OR2M3: variants seen among roughly 807,000 people sequenced by gnomAD.
OR2M3 encodes the protein olfactory receptor family 2 subfamily M member 3.
A neutral mutation model predicts 4.3 loss-of-function variants in OR2M3; 1 was observed. The ratio of observed to expected loss-of-function variants is 0.23; its 90% confidence interval spans 0.08 to 1.11. The LOEUF (loss-of-function observed/expected upper bound fraction) is 1.11. Among genes scored for constraint, OR2M3 ranks in the 50% most tolerant of loss-of-function variants. OR2M3 has a pLI of 0.54. For missense variants in OR2M3, 410 were observed against 390.4 expected, an observed-to-expected ratio of 1.05 and a Z score of -0.42; for synonymous variants, 151 against 139.4, an observed-to-expected ratio of 1.08 and a Z score of -0.59.
At chr1:248,198,317 G>A (rs1379869270) in intron 1 of OR2M3, among the ~76,000 whole-genome samples, 3 of 152,044 alleles carry the variant, frequency 2.0e-5, no homozygotes, top group Non-Finnish European at 4.4e-5. Flanking sequence ...ATTCATGAGG[G>A]CATTCCTTGT....
In OR2M3 at chr1:248,204,179, T is replaced by C. The variant is rs1666199088; in HGVS notation, c.*173T>C. 1 of 519,554 alleles carries C rather than the reference T, an allele frequency of 1.9e-6. No homozygotes were observed. Among genetic ancestry groups the C allele is most frequent in the Non-Finnish European group, 3.3e-6 (1 of 305,744 alleles). The allele number at this position is 519,554 out of a possible 1,614,324, so 32.2% of individuals were successfully genotyped here. A position where few individuals can be genotyped will look rare whatever the true frequency, so the allele number is the denominator to read the frequency against. On this transcript the variant is annotated 3_prime_UTR_variant, in exon 2 of 2. Transcript: ENST00000641626. The stretch of plus-strand genomic sequence containing the variant: ...AAACTATTATAACTATTTATTATTT[T>C]ATATTCATTTCTGCTATGACCACAA...
At position 248,211,030 on chromosome 1, in the gene OR2M3, T is replaced by C. The variant is rs1572795747; in HGVS notation, c.*7024T>C. 1 of 152,232 alleles carries C rather than the reference T, an allele frequency of 6.6e-6. No individual in the cohort carries two copies. Among genetic ancestry groups the C allele is most frequent in the Non-Finnish European group, 1.5e-5 (1 of 68,048 alleles). 9.4% of individuals were successfully genotyped at this position (152,232 alleles called of 1,614,324 possible). On this transcript the variant is annotated 3_prime_UTR_variant, in exon 2 of 2. Coordinates refer to ENST00000641626, the MANE Select transcript of OR2M3 (RefSeq NM_001004689.2). Reference sequence around the variant, plus strand: ...AAAGTTTTCTGTTTATTCAGTATCATAAATGTTGAAGTATGCACCAAGGTA... The same window carrying C: ...AAAGTTTTCTGTTTATTCAGTATCACAAATGTTGAAGTATGCACCAAGGTA...
At position 248,203,275 on chromosome 1, in the gene OR2M3, G is replaced by A; in HGVS notation, c.208G>A (p.Asp70Asn). ...YLLLSQLSLM[D>N]LMLICTTVPK... ...CCTCCTCAGCCAACTGTCCCTCATG[G>A]ACCTCATGCTCATCTGCACCACCGT... Residue 70 changes from aspartate to asparagine, a missense_variant, in exon 2 of 2, where the codon GAC (aspartate) becomes AAC (asparagine). Physicochemically the swap from Asp to Asn is conservative, Grantham distance 23. Transcript: ENST00000641626. 6.2e-7 allele frequency: 1 copy of A among 1,613,938 alleles called. No individual in the cohort carries two copies. The highest frequency in any genetic ancestry group is 1.3e-5 in the African/African-American group (1 of 74,944).
At chr1:248,201,216 A>AT (rs1209484787) in intron 1 of OR2M3, among the ~76,000 whole-genome samples, 3 of 151,862 alleles carry the variant, frequency 2.0e-5, no homozygotes, top group Non-Finnish European at 4.4e-5. Flanking sequence ...ACACATTTCT[A>AT]TTTTTTTCTG....
Position 248,203,899 on chromosome 1 carries a change from T to A in OR2M3, c.832T>A (p.Tyr278Asn). Residue 278 changes from tyrosine to asparagine, a missense_variant, in exon 2 of 2, where the codon TAC (tyrosine) becomes AAC (asparagine). Tyr to Asn is a moderately radical substitution (Grantham distance 143). Coordinates refer to ENST00000641626, the MANE Select transcript of OR2M3 (RefSeq NM_001004689.2). ...ACAGGACAAGATGGTGTCTGTATTC[T>A]ACACCATCCTCACTCCCATGTTGAA... is the stretch of plus-strand genomic sequence containing the variant. ...PTQDKMVSVF[Y>N]TILTPMLNPL... 1.2e-6 allele frequency: 2 copies of A among 1,613,930 alleles called. No homozygotes were observed. Among genetic ancestry groups the A allele is most frequent in the Non-Finnish European group, 1.7e-6 (2 of 1,179,910 alleles).
chr1:248,202,652 C>T (rs1666170865), intron 1 of OR2M3, among the ~76,000 whole-genome samples: 1 of 152,010 alleles, frequency 6.6e-6, no homozygotes, highest in Admixed American at 6.6e-5. Context: ...CACATTTATT[C>T]TCCATTTCTA....
rs1666261756 is a variant in OR2M3, at chr1:248,209,891, G to A, written c.*5885G>A. The A allele has an allele frequency of 6.6e-6, 1 of 152,196 alleles. No homozygotes were observed. The highest frequency in any genetic ancestry group is 2.4e-5 in the African/African-American group (1 of 41,406). The allele number at this position is 152,196 out of a possible 1,614,324, so 9.4% of individuals were successfully genotyped here. A position where few individuals can be genotyped will look rare whatever the true frequency, so the allele number is the denominator to read the frequency against. On this transcript the variant is annotated 3_prime_UTR_variant, in exon 2 of 2. Coordinates refer to ENST00000641626, the MANE Select transcript of OR2M3 (RefSeq NM_001004689.2). The stretch of plus-strand genomic sequence containing the variant: ...CTCAGGTGATGGGTGAGGCCATAGA[G>A]GTAACAAGAGATTATGACGTTTGTC...
At chr1:248,199,929 C>T (rs1666137411) in intron 1 of OR2M3, among the ~76,000 whole-genome samples, 1 of 152,084 alleles carries the variant, frequency 6.6e-6, no homozygotes, top group Non-Finnish European at 1.5e-5. Context: ...TGTAGATTTA[C>T]ACTTGTTATT....
intron 1 of OR2M3, among the ~76,000 whole-genome samples, chr1:248,202,260 G>A (rs1398714565): frequency 7.3e-6 from 1 of 136,346 alleles, no homozygotes; most frequent in Non-Finnish European, 1.6e-5. Context: ...TCTAATCCCT[G>A]CCTCCCCCAT....
In OR2M3 at chr1:248,204,455, G is replaced by T. The variant is rs1383542068; in HGVS notation, c.*449G>T. ...CATTCTTATGACTTTTTGTCTCATA[G>T]TTTAGTTTCAACATATGAATGTGAA... On this transcript the variant is annotated 3_prime_UTR_variant, in exon 2 of 2. Transcript: ENST00000641626. The T allele has an allele frequency of 6.5e-6, 1 of 154,048 alleles. No homozygotes were observed. Among genetic ancestry groups the T allele is most frequent in the Non-Finnish European group, 1.4e-5 (1 of 69,538 alleles). 9.5% of individuals were successfully genotyped at this position (154,048 alleles called of 1,614,324 possible). A position where few individuals can be genotyped will look rare whatever the true frequency, so the allele number is the denominator to read the frequency against.
At chr1:248,199,059 T>C (rs998588046) in intron 1 of OR2M3, among the ~76,000 whole-genome samples, 2 of 152,156 alleles carry the variant, frequency 1.3e-5, no homozygotes, top group African/African-American at 4.8e-5. Context: ...GTGATAAGAT[T>C]CATACATAAA....
At position 248,207,200 on chromosome 1, in the gene OR2M3, C is replaced by T. The variant is rs1269342195; in HGVS notation, c.*3194C>T. ...TGTGTTTATTTGCATCTTCTCTATT[C>T]TTTTTTGGTTAATCTTGCTAATGGT... On this transcript the variant is annotated 3_prime_UTR_variant, in exon 2 of 2. Coordinates refer to ENST00000641626, the MANE Select transcript of OR2M3 (RefSeq NM_001004689.2). 1 of 151,916 alleles carries T rather than the reference C, an allele frequency of 6.6e-6. No individual in the cohort carries two copies. Among genetic ancestry groups the T allele is most frequent in the South Asian group, 2.1e-4 (1 of 4,824 alleles). 9.4% of individuals were successfully genotyped at this position (151,916 alleles called of 1,614,324 possible).
In OR2M3 at chr1:248,204,036, G is replaced by A. The variant is rs371890040; in HGVS notation, c.*30G>A. ...CCTAATAAACTTCATGTTTTGCTGT[G>A]TGCTAAATCCTTTTTTTAAATGGTC... On this transcript the variant is annotated 3_prime_UTR_variant, in exon 2 of 2. Transcript: ENST00000641626. The A allele has an allele frequency of 6.2e-7, 1 of 1,608,724 alleles. No homozygotes were observed. The highest frequency in any genetic ancestry group is 8.5e-7 in the Non-Finnish European group (1 of 1,176,142).
chr1:248,203,587 A>G lies in OR2M3; in HGVS notation c.520A>G (p.Ile174Val), dbSNP rs1446188218. 3 of 1,613,744 alleles carry G rather than the reference A, an allele frequency of 1.9e-6. No homozygotes were observed. The highest frequency in any genetic ancestry group is 2.5e-6 in the Non-Finnish European group (3 of 1,179,818). ...FSFSYCGSRE[I>V]AHFFCDFPSL... ...CTTCTCCTACTGTGGGTCTCGGGAAATAGCCCACTTCTTCTGTGACTTCCC... is the reference window on the plus strand; with the variant it reads ...CTTCTCCTACTGTGGGTCTCGGGAAGTAGCCCACTTCTTCTGTGACTTCCC... The change falls in exon 2 of 2, where the codon ATA (isoleucine) becomes GTA (valine). Residue 174 changes from isoleucine (I) to valine (V), a missense_variant. Coordinates refer to ENST00000641626, the MANE Select transcript of OR2M3 (RefSeq NM_001004689.2).
chr1:248,208,883 G>A lies in OR2M3; in HGVS notation c.*4877G>A, dbSNP rs1050524616. On this transcript the variant is annotated 3_prime_UTR_variant, in exon 2 of 2. Transcript: ENST00000641626. ...TTGGATGTTTAGATCCAGCAAGGCT[G>A]GTAGTAATTTTCCTCTATTATTCCT... is the stretch of plus-strand genomic sequence containing the variant. 9.9e-5 allele frequency: 15 copies of A among 152,158 alleles called. No individual in the cohort carries two copies. The highest frequency in any genetic ancestry group is 7.9e-4 in the Admixed American group (12 of 15,266). The allele number at this position is 152,158 out of a possible 1,614,324, so 9.4% of individuals were successfully genotyped here.
At chr1:248,202,275 C>A in intron 1 of OR2M3, among the ~76,000 whole-genome samples, 1 of 103,960 alleles carries the variant, frequency 9.6e-6, no homozygotes. Flanking sequence ...CCCCATCACA[C>A]GGTAATCCCC....
rs141780770 is a variant in OR2M3, at chr1:248,205,160, T to A, written c.*1154T>A. The A allele has an allele frequency of 5.3e-5, 8 of 152,188 alleles. No individual in the cohort carries two copies. The East Asian group carries it at 1.5e-3, about 29-fold the overall frequency. 9.4% of individuals were successfully genotyped at this position (152,188 alleles called of 1,614,324 possible). A position where few individuals can be genotyped will look rare whatever the true frequency, so the allele number is the denominator to read the frequency against. On this transcript the variant is annotated 3_prime_UTR_variant, in exon 2 of 2. Transcript: ENST00000641626. Reference sequence around the variant, plus strand: ...ATCATTTGTTTTCTTCTTGCTGATTTGTTTGAGTTCTTTGTAGATTCTGGA... The same window carrying A: ...ATCATTTGTTTTCTTCTTGCTGATTAGTTTGAGTTCTTTGTAGATTCTGGA...
intron 1 of OR2M3, among the ~76,000 whole-genome samples, chr1:248,200,722 C>A (rs1206383704): frequency 6.6e-6 from 1 of 152,068 alleles, no homozygotes; most frequent in Non-Finnish European, 1.5e-5. Context: ...ATTCCCAGGT[C>A]AAAGTTGTCC....
chr1:248,203,470 C>A lies in OR2M3; in HGVS notation c.403C>A (p.Leu135Ile), dbSNP rs1409931924. Residue 135 changes from leucine to isoleucine, a missense_variant, in exon 2 of 2, where the codon CTC becomes ATC. Coordinates refer to ENST00000641626, the MANE Select transcript of OR2M3 (RefSeq NM_001004689.2). ...AICHPLRYTN[L>I]MSPKICGLMT... ...TTGCCACCCTCTAAGATACACCAAT[C>A]TCATGAGCCCTAAAATTTGTGGACT... is the stretch of plus-strand genomic sequence containing the variant. 1.2e-6 allele frequency: 2 copies of A among 1,613,884 alleles called. No individual in the cohort carries two copies. Among genetic ancestry groups the A allele is most frequent in the Admixed American group, 3.3e-5 (2 of 60,002 alleles).
Sources: allele counts gnomAD v4.1 joint callset (sites outside exome capture counted in the v4.1 genomes callset), GRCh38; gene constraint gnomAD v4.1.1; transcripts MANE v1.5; gene names NCBI Gene and HGNC (gene_info 2026-07-23, HGNC 2026-07-21).